The following CNTLN variants were observed in gnomAD, a reference collection of about 807,000 sequenced individuals.
The protein encoded by CNTLN is centlein, centrosomal protein.
In CNTLN, 212 loss-of-function variants were observed where a neutral mutation model predicts 180.0. The ratio of observed to expected loss-of-function variants is 1.18; its 90% CI spans 1.05 to 1.32. The LOEUF (loss-of-function observed/expected upper bound fraction) is 1.32, where lower values mean the gene tolerates loss of function less well. Ranked by LOEUF, CNTLN falls within the 40% of genes most tolerant of loss-of-function variation. The pLI, the probability that CNTLN is intolerant of heterozygous loss-of-function variation, is 0.00. For missense variants in CNTLN, 2,095 were observed against 1,610.9 expected (o/e 1.30, Z -5.14); for synonymous variants, 722 against 563.1 (o/e 1.28, Z -3.99).
At position 17,457,729 on chromosome 9, in the gene CNTLN, T is replaced by G. The variant is rs2134160406; in HGVS notation, c.3306+14T>G. The G allele has an allele frequency of 1.4e-6, 2 of 1,392,520 alleles. No individual in the cohort carries two copies. The highest frequency in any genetic ancestry group is 2.7e-5 in the East Asian group (1 of 37,052). 86.3% of individuals were successfully genotyped at this position (1,392,520 alleles called of 1,614,324 possible). A position where few individuals can be genotyped will look rare whatever the true frequency, so the allele number is the denominator to read the frequency against. On this transcript the variant is annotated intron_variant, in intron 19 of 25. Coordinates refer to ENST00000380647, the MANE Select transcript of CNTLN (RefSeq NM_017738.4). ...TATAAACTAAAGGTGATTATAAAAT[T>G]TATTAAGCATGAAAACATACATTAT...
chr9:17,502,499 G>T, intron 25 of CNTLN, 52 bp from the exon 26 acceptor site: 1 of 855,636 alleles, frequency 1.2e-6, no homozygotes, highest in South Asian at 1.8e-5. Context: ...GTATGTTTTT[G>T]AACTGAAGAA....
intron 5 of CNTLN, among the ~76,000 whole-genome samples, chr9:17,266,398 A>G (rs1827447733): frequency 6.6e-6 from 1 of 152,148 alleles, no homozygotes; most frequent in Non-Finnish European, 1.5e-5. Flanking sequence ...CTGTGGTCTG[A>G]GAGACAGTTT....
intron 14 of CNTLN, among the ~76,000 whole-genome samples, chr9:17,393,499 G>T (rs973478079): frequency 3.3e-5 from 5 of 151,962 alleles, no homozygotes; most frequent in South Asian, 2.1e-4. Flanking sequence ...ATGCCTTGTT[G>T]AATAGTGGGA....
intron 5 of CNTLN, among the ~76,000 whole-genome samples, chr9:17,245,979 A>G (rs1825777250): frequency 6.6e-6 from 1 of 152,024 alleles, no homozygotes; most frequent in African/African-American, 2.4e-5. Flanking sequence ...CAAAGCAACT[A>G]TTTTGAATTA....
Position 17,287,218 on chromosome 9 carries a change from C to G in CNTLN, c.984-10972C>G, listed in dbSNP as rs1199872999. On this transcript the variant is annotated intron_variant, in intron 6 of 25. Transcript: ENST00000380647. ...TTTATTGAGAGTTTTTAGCATGAAG[C>G]GTTGCTGAATTTTGTCAAAGGCTTT... Among the ~76,000 whole-genome samples, 1,285 of 150,956 alleles carry G rather than the reference C, an allele frequency of 8.5e-3. 26 individuals are homozygous for G. Among genetic ancestry groups the G allele is most frequent in the African/African-American group, 0.03 (1,217 of 40,462 alleles).
At chr9:17,165,929 G>C (rs961692403) in intron 2 of CNTLN, among the ~76,000 whole-genome samples, 2 of 152,176 alleles carry the variant, frequency 1.3e-5, no homozygotes, top group Non-Finnish European at 2.9e-5. Context: ...GTTAACTATA[G>C]AGACCTTTGG....
chr9:17,194,905 G>A (rs913923447), intron 2 of CNTLN, among the ~76,000 whole-genome samples: 6 of 152,260 alleles, frequency 3.9e-5, no homozygotes, highest in Non-Finnish European at 8.8e-5. Context: ...TGGCAGCGAC[G>A]AGAAAATGAG....
chr9:17,342,509 A>G, intron 12 of CNTLN, 65 bp downstream of exon 12: 1 of 1,421,550 alleles, frequency 7.0e-7, no homozygotes, highest in Non-Finnish European at 9.5e-7. Flanking sequence ...TTCATGGCTT[A>G]AAAGCTATTA....
rs1440886758 is a variant in CNTLN at position 17,218,278 on chromosome 9, T to C, written c.450-7925T>C. Among the ~76,000 whole-genome samples, 7 of 152,178 alleles carry C rather than the reference T, an allele frequency of 4.6e-5. No individual in the cohort carries two copies. The East Asian group carries it at 1.3e-3, about 29-fold the overall frequency. Reference sequence around the variant, plus strand: ...CTATACTTGAGCCTTTAAAACATTTTATATCAAAGTTTTTACATGAATTAA... The same window carrying C: ...CTATACTTGAGCCTTTAAAACATTTCATATCAAAGTTTTTACATGAATTAA... On this transcript the variant is annotated intron_variant, in intron 2 of 25. Coordinates refer to ENST00000380647, the MANE Select transcript of CNTLN (RefSeq NM_017738.4).
chr9:17,318,909 A>C (rs551631787), intron 8 of CNTLN, among the ~76,000 whole-genome samples: 116 of 152,322 alleles, frequency 7.6e-4, no homozygotes, highest in African/African-American at 2.6e-3. Flanking sequence ...TTATGTAGGC[A>C]ATATTTATTA....
intron 8 of CNTLN, among the ~76,000 whole-genome samples, chr9:17,326,952 G>A (rs1420281812): frequency 6.6e-6 from 1 of 151,886 alleles, no homozygotes; most frequent in Non-Finnish European, 1.5e-5. Flanking sequence ...AAGGACCTTA[G>A]GAAAAAACTA....
chr9:17,335,826 C>T (rs1376559164), intron 10 of CNTLN, among the ~76,000 whole-genome samples: 2 of 151,300 alleles, frequency 1.3e-5, no homozygotes, highest in African/African-American at 4.9e-5. Context: ...CCTGTAATCC[C>T]AGCTACTCAG....
intron 25 of CNTLN, among the ~76,000 whole-genome samples, chr9:17,490,335 G>A (rs1220093306): frequency 1.3e-5 from 2 of 152,048 alleles, no homozygotes; most frequent in Admixed American, 6.6e-5. Context: ...ATAGATAGCA[G>A]TAATGAGATT....
chr9:17,366,696 T>C lies in CNTLN; in HGVS notation c.1966T>C (p.Cys656Arg), dbSNP rs77333912. The C allele has an allele frequency of 7.8e-4, 1,234 of 1,577,212 alleles. 6 individuals carry two copies. The African/African-American group carries it at 0.015, about 20-fold the overall frequency. The change falls in exon 13 of 26, where the codon TGT becomes CGT. Residue 656 changes from cysteine (C) to arginine (R), a missense_variant. Cys to Arg is a radical substitution (Grantham distance 180). Transcript: ENST00000380647. ...GGCAGCAATACAAGAATTGAATAGA[T>C]GTGTGGCAGAGAGAAGAGAAGGTAA... Reference protein sequence around the residue: ...DKAAIQELNRCVAERREEQLF... With the variant: ...DKAAIQELNRRVAERREEQLF...
In CNTLN at chr9:17,458,708, T is replaced by C. The variant is rs1002332139; in HGVS notation, c.3306+993T>C. ...AGTTTATTATTGCTTGAAAATAATT[T>C]GCTTTATTAATAGTAACCAAATATA... On this transcript the variant is annotated intron_variant, in intron 19 of 25. Transcript: ENST00000380647. 1.3e-4 allele frequency among the ~76,000 whole-genome samples: 20 copies of C among 151,948 alleles called. No homozygotes were observed. The East Asian group carries it at 1.7e-3, about 13-fold the overall frequency.
At chr9:17,317,010 A>G (rs941919287) in intron 8 of CNTLN, among the ~76,000 whole-genome samples, 3 of 151,890 alleles carry the variant, frequency 2.0e-5, no homozygotes, top group African/African-American at 7.3e-5. Flanking sequence ...TTTAAATGCA[A>G]TTGTCTTAAA....
rs755471771 is a variant in CNTLN at position 17,415,818 on chromosome 9, C to T, written c.2827C>T (p.Pro943Ser). 6.2e-6 allele frequency: 10 copies of T among 1,612,114 alleles called. No homozygotes were observed. In the South Asian group the frequency reaches 1.1e-4, roughly 18 times the overall value. ...TTTTCATGATAAGAATGCCAAAAAA[C>T]CAACTTTTCAAAAGAAGAATTGCAA... ...DYFHDKNAKK[P>S]TFQKKNCKMQ... is the part of the protein sequence containing the mutation. Residue 943 changes from proline (P) to serine (S), a missense_variant, in exon 17 of 26, where the codon CCA (proline) becomes TCA (serine). Transcript: ENST00000380647.
chr9:17,327,501 T>A (rs1318828503), intron 8 of CNTLN, among the ~76,000 whole-genome samples: 3 of 151,378 alleles, frequency 2.0e-5, no homozygotes, highest in African/African-American at 7.3e-5. Context: ...TTTTTTTTTT[T>A]TTTTCAAAGT....
Position 17,446,464 on chromosome 9 carries a change from A to T in CNTLN, c.3115-11060A>T, listed in dbSNP as rs541686516. On this transcript the variant is annotated intron_variant, in intron 18 of 25. Coordinates refer to ENST00000380647, the MANE Select transcript of CNTLN (RefSeq NM_017738.4). ...TGCAAATGATGATCTTTAGCCTTTG[A>T]CTCTATAACCCCCAAAGTTGGTAAT... Among the ~76,000 whole-genome samples, 23 of 152,198 alleles carry T rather than the reference A, an allele frequency of 1.5e-4. No individual in the cohort carries two copies. In the South Asian group the frequency reaches 1.7e-3, roughly 11 times the overall value.
Sources: allele counts gnomAD v4.1 joint callset (sites outside exome capture counted in the v4.1 genomes callset), GRCh38; gene constraint gnomAD v4.1.1; transcripts MANE v1.5; gene names NCBI Gene and HGNC (gene_info 2026-07-23, HGNC 2026-07-21).